Variants in C2orf49 observed in about 807,000 individuals in gnomAD.
C2orf49 encodes tRNA-splicing ligase complex subunit ASW.
A neutral mutation model predicts 20.6 loss-of-function variants in C2orf49; 11 were observed. The observed-to-expected ratio is 0.53, with a 90% CI of 0.34 to 0.88. C2orf49 has a LOEUF of 0.88. C2orf49 is among the 40% of genes least tolerant of loss of function. The pLI, the probability that C2orf49 is intolerant of heterozygous loss-of-function variation, is 0.02. For synonymous variants in C2orf49, 134 were observed against 108.5 expected (o/e 1.24, Z -1.46); for missense variants, 289 against 274.2 (o/e 1.05, Z -0.38).
At chr2:105,340,005 AT>A (rs1396691034) in intron 2 of C2orf49, among the ~76,000 whole-genome samples, 1 of 152,218 alleles carries the variant, frequency 6.6e-6, no homozygotes, top group African/African-American at 2.4e-5. Flanking sequence ...AAAGATTACA[AT>A]TTTTGGTAAA....
At chr2:105,369,902 C>T in the C2orf49 span, among the ~76,000 whole-genome samples, 100 of 152,322 alleles carry the variant, frequency 6.6e-4, no homozygotes, top group East Asian at 0.018. Context: ...GCCTCAGGGA[C>T]ATGGCGCGTG....
At position 105,348,419 on chromosome 2, in the gene C2orf49, G is replaced by A. The variant is rs577925412; in HGVS notation, c.*3048G>A. The A allele has an allele frequency of 2.0e-5, 3 of 151,814 alleles. No individual in the cohort carries two copies. In the South Asian group the frequency reaches 6.2e-4, roughly 32 times the overall value. The allele number at this position is 151,814 out of a possible 1,614,324, so 9.4% of individuals were successfully genotyped here. Reference sequence around the variant, plus strand: ...AATTACTATTTGAAATAATATTTTGGTTGACTTAAGTTTTGAGAGACAATT... The same window carrying A: ...AATTACTATTTGAAATAATATTTTGATTGACTTAAGTTTTGAGAGACAATT... On this transcript the variant is annotated 3_prime_UTR_variant, in exon 4 of 4. Coordinates refer to ENST00000258457, the MANE Select transcript of C2orf49 (RefSeq NM_024093.3).
chr2:105,379,713 C>T, the C2orf49 span, among the ~76,000 whole-genome samples: 1 of 152,196 alleles, frequency 6.6e-6, no homozygotes, highest in African/African-American at 2.4e-5. Flanking sequence ...GCTCTGGTCC[C>T]CTCTTCCTCA....
At chr2:105,368,855 G>A in the C2orf49 span, among the ~76,000 whole-genome samples, 2 of 152,242 alleles carry the variant, frequency 1.3e-5, no homozygotes, top group Non-Finnish European at 2.9e-5. Context: ...GGAAAGTGTT[G>A]TAAGTGCCCG....
the C2orf49 span, chr2:105,361,246 G>T: frequency 6.3e-7 from 1 of 1,591,670 alleles, no homozygotes; most frequent in East Asian, 2.2e-5. Context: ...AAAAATCTGT[G>T]TGTGAGATCA....
At chr2:105,366,059 A>C in the C2orf49 span, among the ~76,000 whole-genome samples, 8 of 151,288 alleles carry the variant, frequency 5.3e-5, no homozygotes, top group African/African-American at 9.7e-5. Flanking sequence ...TACAAAAAAA[A>C]CCGGCTGGGC....
the C2orf49 span, chr2:105,360,908 C>T: frequency 1.2e-5 from 2 of 163,652 alleles, no homozygotes; most frequent in South Asian, 3.8e-4. Context: ...CTGTAAATAA[C>T]AACTGGTCAT....
rs970957859 is a variant in C2orf49, at chr2:105,348,469, C to A, written c.*3098C>A. 1 of 149,838 alleles carries A rather than the reference C, an allele frequency of 6.7e-6. No individual in the cohort carries two copies. The highest frequency in any genetic ancestry group is 1.5e-5 in the Non-Finnish European group (1 of 67,624). The allele number at this position is 149,838 out of a possible 1,614,324, so 9.3% of individuals were successfully genotyped here. A position where few individuals can be genotyped will look rare whatever the true frequency, so the allele number is the denominator to read the frequency against. ...TCTAAAATTGATCTAGAGACTCATTCAATAGCAATGTGACCTTTTAAATAC... is the reference window on the plus strand; with the variant it reads ...TCTAAAATTGATCTAGAGACTCATTAAATAGCAATGTGACCTTTTAAATAC... On this transcript the variant is annotated 3_prime_UTR_variant, in exon 4 of 4. Coordinates refer to ENST00000258457, the MANE Select transcript of C2orf49 (RefSeq NM_024093.3).
intron 2 of C2orf49, among the ~76,000 whole-genome samples, chr2:105,340,227 T>C (rs1450644358): frequency 6.6e-6 from 1 of 152,200 alleles, no homozygotes; most frequent in Non-Finnish European, 1.5e-5. Flanking sequence ...TGTCAGATCA[T>C]GTAAAGCTTT....
At chr2:105,351,321 C>A (rs1467441257), downstream of C2orf49, among the ~76,000 whole-genome samples, 5 of 122,930 alleles carry the variant, frequency 4.1e-5, no homozygotes, top group Non-Finnish European at 9.3e-5. Flanking sequence ...GCGCCCCCCC[C>A]CCCCCAAAAA....
At chr2:105,350,980 G>T (rs1011866882), downstream of C2orf49, among the ~76,000 whole-genome samples, 1 of 152,008 alleles carries the variant, frequency 6.6e-6, no homozygotes, top group African/African-American at 2.4e-5. Context: ...TAGTTGTCAT[G>T]TCATGTTAGG....
At chr2:105,338,429 A>G (rs1364159295) in intron 1 of C2orf49, among the ~76,000 whole-genome samples, 1 of 152,188 alleles carries the variant, frequency 6.6e-6, no homozygotes, top group Non-Finnish European at 1.5e-5. Context: ...GTGGTTCTCA[A>G]ACTTTTTAGG....
At position 105,337,562 on chromosome 2, in the gene C2orf49, C is replaced by G. The variant is rs757968340; in HGVS notation, c.-26C>G. ...TTCCTTCGCGGGGCTTTGTGGGTAGCCGACTGGGGTCTCCTGGCGACGACC... is the reference window on the plus strand; with the variant it reads ...TTCCTTCGCGGGGCTTTGTGGGTAGGCGACTGGGGTCTCCTGGCGACGACC... On this transcript the variant is annotated 5_prime_UTR_variant, in exon 1 of 4. Coordinates refer to ENST00000258457, the MANE Select transcript of C2orf49 (RefSeq NM_024093.3). 3.1e-6 allele frequency: 5 copies of G among 1,612,986 alleles called. No homozygotes were observed. In the Admixed American group the frequency reaches 6.7e-5, roughly 22 times the overall value.
chr2:105,377,928 G>A, the C2orf49 span: 1 of 404,040 alleles, frequency 2.5e-6, no homozygotes, highest in Admixed American at 3.0e-5. Flanking sequence ...CAGAGGGGTG[G>A]CAAGTTATCA....
At chr2:105,384,494 T>G in the C2orf49 span, among the ~76,000 whole-genome samples, 5 of 152,166 alleles carry the variant, frequency 3.3e-5, no homozygotes, top group African/African-American at 7.2e-5. Flanking sequence ...AGCAGACCCC[T>G]GGTTCTCCCC....
At chr2:105,359,333 AC>A in the C2orf49 span, 1 of 152,238 alleles carries the variant, frequency 6.6e-6, no homozygotes, top group East Asian at 1.9e-4. Flanking sequence ...CAGCAAAACA[AC>A]TAACAAAGGA....
the C2orf49 span, among the ~76,000 whole-genome samples, chr2:105,355,163 C>G: frequency 6.6e-6 from 1 of 151,926 alleles, no homozygotes. Context: ...ATTAGAAATA[C>G]ATCTTTCCTT....
chr2:105,385,203 C>T, the C2orf49 span, among the ~76,000 whole-genome samples: 2 of 152,208 alleles, frequency 1.3e-5, no homozygotes, highest in Non-Finnish European at 2.9e-5. Flanking sequence ...TTCGTCTCTG[C>T]TCAAGGCAGA....
At chr2:105,371,113 C>T in the C2orf49 span, among the ~76,000 whole-genome samples, 1 of 152,084 alleles carries the variant, frequency 6.6e-6, no homozygotes, top group Non-Finnish European at 1.5e-5. Context: ...TTTTCTTTCC[C>T]TCCCCAGTAA....
Sources: gnomAD v4.1 joint callset for allele counts (sites outside exome capture counted in the v4.1 genomes callset) on GRCh38, gnomAD v4.1.1 for gene constraint, MANE v1.5 for transcripts, NCBI Gene and HGNC (gene_info 2026-07-23, HGNC 2026-07-21) for gene names.